Variants in ZNF556 observed in about 807,000 individuals in gnomAD.
ZNF556 encodes the protein zinc finger protein 556.
A neutral mutation model predicts 13.6 loss-of-function variants in ZNF556; 11 were observed. That is an observed-to-expected ratio of 0.81 (90% confidence interval 0.51 to 1.33). The LOEUF (loss-of-function observed/expected upper bound fraction) is 1.33. Among genes scored for constraint, ZNF556 ranks in the 40% most tolerant of loss-of-function variants. The pLI is 0.00. For missense variants in ZNF556, 633 were observed against 566.2 expected, an observed-to-expected ratio of 1.12 and a Z score of -1.20; for synonymous variants, 229 against 207.8, an observed-to-expected ratio of 1.10 and a Z score of -0.88.
rs546216697 is a variant in ZNF556, at chr19:2,868,938, C to T, written c.3+1514C>T. 2.6e-5 allele frequency among the ~76,000 whole-genome samples: 4 copies of T among 152,182 alleles called. No homozygotes were observed. The East Asian group carries it at 5.8e-4, about 22-fold the overall frequency. The stretch of plus-strand genomic sequence containing the variant: ...TCCACCATGTTGGCCAGGCTGGTCT[C>T]GAACTCCTGACCTCAGCTGATCCAC... On this transcript the variant is annotated intron_variant, in intron 1 of 3. Coordinates refer to ENST00000307635, the MANE Select transcript of ZNF556 (RefSeq NM_024967.3).
chr19:2,872,179 G>A (rs1038603473), intron 1 of ZNF556, among the ~76,000 whole-genome samples: 3 of 149,044 alleles, frequency 2.0e-5, no homozygotes, highest in Non-Finnish European at 4.6e-5. Flanking sequence ...GGGCCTGACT[G>A]ATGTCAGGCC....
At chr19:2,874,912 A>C (rs902133698) in intron 2 of ZNF556, 2 of 128,796 alleles carry the variant, frequency 1.6e-5, no homozygotes, top group African/African-American at 3.7e-5. Flanking sequence ...GACTGCTTGT[A>C]CTTTTTTTTT....
rs144537114 is a variant in ZNF556 at position 2,876,304 on chromosome 19, G to A, written c.314+28G>A. 1.1e-3 allele frequency: 1,632 copies of A among 1,545,292 alleles called. 4 individuals carry two copies. The Middle Eastern group carries it at 0.014, about 13-fold the overall frequency. ...GAGTTGTACTTAGAAGAAAAAGGCA[G>A]TATCGCCAGGCACGGTGGCTCATGC... On this transcript the variant is annotated intron_variant, in intron 3 of 3. Coordinates refer to ENST00000307635, the MANE Select transcript of ZNF556 (RefSeq NM_024967.3).
intron 1 of ZNF556, among the ~76,000 whole-genome samples, chr19:2,870,107 G>A (rs1315907865): frequency 6.6e-6 from 1 of 151,864 alleles, no homozygotes; most frequent in East Asian, 1.9e-4. Flanking sequence ...AATTTAAATT[G>A]GATCACATCT....
rs2087916726 is a variant in ZNF556, at chr19:2,883,003, C to G, written c.*4674C>G. ...TATTTGGCATTGTCACTTTGCTGCC[C>G]CTACACACTGATGGAAAAATTGTGT... is the stretch of plus-strand genomic sequence containing the variant. On this transcript the variant is annotated 3_prime_UTR_variant, in exon 4 of 4. Transcript: ENST00000307635. 2 of 152,110 alleles carry G rather than the reference C, an allele frequency of 1.3e-5. No homozygotes were observed. Among genetic ancestry groups the G allele is most frequent in the South Asian group, 4.2e-4 (2 of 4,814 alleles). The allele number at this position is 152,110 out of a possible 1,614,324, so 9.4% of individuals were successfully genotyped here. A position where few individuals can be genotyped will look rare whatever the true frequency, so the allele number is the denominator to read the frequency against.
intron 3 of ZNF556, among the ~76,000 whole-genome samples, 153 bp from the exon 4 acceptor site, chr19:2,877,120 G>C (rs566110409): frequency 8.6e-4 from 130 of 151,960 alleles, no homozygotes; most frequent in African/African-American, 3.1e-3. Context: ...GGCTGAGACA[G>C]AATTGTTTGA....
In ZNF556 at chr19:2,878,067, A is replaced by G; in HGVS notation, c.1109A>G (p.Tyr370Cys). ...DVKSQTREKV[Y>C]KCETCGKTYG... ...AAATCACAAACTAGAGAGAAAGTCTATAAATGTGAAACGTGTGGGAAAACG... is the reference window on the plus strand; with the variant it reads ...AAATCACAAACTAGAGAGAAAGTCTGTAAATGTGAAACGTGTGGGAAAACG... The change falls in exon 4 of 4, where the codon TAT becomes TGT. Residue 370 changes from tyrosine (Y) to cysteine (C), a missense_variant. By Grantham distance (194) the Tyr-to-Cys change is radical. Coordinates refer to ENST00000307635, the MANE Select transcript of ZNF556 (RefSeq NM_024967.3). 1 of 1,614,214 alleles carries G rather than the reference A, an allele frequency of 6.2e-7. No homozygotes were observed. The highest frequency in any genetic ancestry group is 8.5e-7 in the Non-Finnish European group (1 of 1,180,028).
intron 2 of ZNF556, 68 bp from the exon 3 acceptor site, chr19:2,876,020 CAATTA>C: frequency 7.8e-7 from 1 of 1,273,924 alleles, no homozygotes; most frequent in East Asian, 2.5e-5. Flanking sequence ...AGTCATGAAA[CAATTA>C]AACACCTGAA....
In ZNF556 at chr19:2,872,229, C is replaced by A. The variant is rs1022975743; in HGVS notation, c.4-1267C>A. ...GAGGAGTAGAGTCTTCTCTAAACTC[C>A]CCCGGGGGAAGGGAGACTCCCCTTT... On this transcript the variant is annotated intron_variant, in intron 1 of 3. Transcript: ENST00000307635. Among the ~76,000 whole-genome samples, 6 of 152,040 alleles carry A rather than the reference C, an allele frequency of 3.9e-5. No homozygotes were observed. In the East Asian group the frequency reaches 1.2e-3, roughly 30 times the overall value.
intron 1 of ZNF556, among the ~76,000 whole-genome samples, chr19:2,870,157 A>C (rs2087790232): frequency 6.6e-6 from 1 of 152,170 alleles, no homozygotes; most frequent in African/African-American, 2.4e-5. Flanking sequence ...AACAGATGAC[A>C]TTTTACTATT....
chr19:2,882,020 A>G lies in ZNF556; in HGVS notation c.*3691A>G, dbSNP rs2144899211. On this transcript the variant is annotated 3_prime_UTR_variant, in exon 4 of 4. Coordinates refer to ENST00000307635, the MANE Select transcript of ZNF556 (RefSeq NM_024967.3). ...CAGCTACTCAGGAGGCTGAGGGTGG[A>G]GGATGGCTTGAGACCAAGAGGTCCA... 1 of 152,324 alleles carries G rather than the reference A, an allele frequency of 6.6e-6. No individual in the cohort carries two copies. The highest frequency in any genetic ancestry group is 2.1e-4 in the South Asian group (1 of 4,828). The allele number at this position is 152,324 out of a possible 1,614,324, so 9.4% of individuals were successfully genotyped here.
intron 3 of ZNF556, among the ~76,000 whole-genome samples, chr19:2,876,482 G>A (rs1401582480): frequency 6.6e-6 from 1 of 152,174 alleles, no homozygotes; most frequent in East Asian, 1.9e-4. Context: ...CACTTTGGGA[G>A]GCCGAGGGAG....
At chr19:2,871,461 A>C (rs1278850993) in intron 1 of ZNF556, among the ~76,000 whole-genome samples, 1 of 152,178 alleles carries the variant, frequency 6.6e-6, no homozygotes, top group East Asian at 1.9e-4. Flanking sequence ...AAGGTGAATA[A>C]ATTCTCTACA....
At position 2,881,589 on chromosome 19, in the gene ZNF556, A is replaced by AAAC. The variant is rs570313484; in HGVS notation, c.*3261_*3262insACA. 6.6e-6 allele frequency: 1 copy of AAAC among 151,894 alleles called. No individual in the cohort carries two copies. Among genetic ancestry groups the AAAC allele is most frequent in the African/African-American group, 2.4e-5 (1 of 41,344 alleles). 9.4% of individuals were successfully genotyped at this position (151,894 alleles called of 1,614,324 possible). On this transcript the variant is annotated 3_prime_UTR_variant, in exon 4 of 4. Coordinates refer to ENST00000307635, the MANE Select transcript of ZNF556 (RefSeq NM_024967.3). Reference sequence around the variant, plus strand: ...TAAGACTCCATCTCAAAAAAAAAAAAATTTTTTTTTTGGATAATATCAAGG... The same window carrying AAAC: ...TAAGACTCCATCTCAAAAAAAAAAAAAACATTTTTTTTTTGGATAATATCAAGG...
At chr19:2,867,717 A>C (rs560347261) in intron 1 of ZNF556, among the ~76,000 whole-genome samples, 1,546 of 143,236 alleles carry the variant, frequency 0.011, 47 homozygotes, top group African/African-American at 0.039. Context: ...AAGTACAAAA[A>C]ACAAAACAAA....
intron 1 of ZNF556, among the ~76,000 whole-genome samples, chr19:2,869,545 T>G (rs2087785110): frequency 6.6e-6 from 1 of 152,026 alleles, no homozygotes; most frequent in East Asian, 1.9e-4. Flanking sequence ...TTTTTTGTAC[T>G]TTAGTGGAGA....
chr19:2,876,247 C>T lies in ZNF556; in HGVS notation c.285C>T (p.Asp95=). ...GKNWEEHSVK[D]KHNTKERHLS... ...ATTGGGAAGAACATAGCGTTAAAGA[C>T]AAGCACAACACCAAGGAGAGACATT... Residue 95 remains aspartate, a synonymous_variant, in exon 3 of 4, where the codon GAC becomes GAT. Transcript: ENST00000307635. 6 of 1,604,024 alleles carry T rather than the reference C, an allele frequency of 3.7e-6. No homozygotes were observed. The highest frequency in any genetic ancestry group is 5.1e-6 in the Non-Finnish European group (6 of 1,177,126).
chr19:2,877,607 T>C lies in ZNF556; in HGVS notation c.649T>C (p.Ser217Pro), dbSNP rs2087865885. Reference sequence around the variant, plus strand: ...CGGGAAGACATTTCTTCGTTCCCACTCTCTCACTGAACATGTAAGGACTCA... The same window carrying C: ...CGGGAAGACATTTCTTCGTTCCCACCCTCTCACTGAACATGTAAGGACTCA... The part of the protein sequence containing the change: ...SCGKTFLRSH[S>P]LTEHVRTHTG... Residue 217 changes from serine (S) to proline (P), a missense_variant, in exon 4 of 4, where the codon TCT (serine) becomes CCT (proline). Ser to Pro is a moderately conservative substitution (Grantham distance 74). Coordinates refer to ENST00000307635, the MANE Select transcript of ZNF556 (RefSeq NM_024967.3). The C allele has an allele frequency of 1.2e-6, 2 of 1,614,094 alleles. No homozygotes were observed. The highest frequency in any genetic ancestry group is 3.3e-5 in the Admixed American group (2 of 59,996).
At chr19:2,867,505 C>T in intron 1 of ZNF556, 81 bp downstream of exon 1, 1 of 1,550,474 alleles carries the variant, frequency 6.4e-7, no homozygotes, top group Admixed American at 2.0e-5. Context: ...GCTGAAACTC[C>T]CGGGGGAGCC....
Sources: allele counts gnomAD v4.1 joint callset (sites outside exome capture counted in the v4.1 genomes callset), GRCh38; gene constraint gnomAD v4.1.1; transcripts MANE v1.5; gene names NCBI Gene and HGNC (gene_info 2026-07-23, HGNC 2026-07-21).